The following EVA1C variants were observed in gnomAD, a reference collection of about 807,000 sequenced individuals.
EVA1C encodes the protein eva-1 homolog C, also known as protein eva-1 homolog C.
In EVA1C, 25 loss-of-function variants were observed where a neutral mutation model predicts 45.4. The ratio of observed to expected loss-of-function variants is 0.55; its 90% CI spans 0.40 to 0.77. EVA1C has a LOEUF of 0.77. Among genes scored for constraint, EVA1C ranks in the 30% least tolerant of loss-of-function variants. The pLI is 0.00. For synonymous variants in EVA1C, 190 were observed against 221.2 expected, an observed-to-expected ratio of 0.86 and a Z score of 1.25; for missense variants, 479 against 554.8, an observed-to-expected ratio of 0.86 and a Z score of 1.37.
At chr21:32,465,220 T>G (rs1333626813) in intron 3 of EVA1C, among the ~76,000 whole-genome samples, 1 of 152,214 alleles carries the variant, frequency 6.6e-6, no homozygotes, top group African/African-American at 2.4e-5. Flanking sequence ...AATCACAATT[T>G]GGAAAACTCT....
intron 3 of EVA1C, among the ~76,000 whole-genome samples, chr21:32,462,965 C>A (rs901182896): frequency 7.9e-5 from 12 of 152,308 alleles, no homozygotes; most frequent in Admixed American, 6.5e-4. Flanking sequence ...CCCCTGATTT[C>A]CCACTCCACA....
chr21:32,427,491 G>A (rs533254736), intron 1 of EVA1C, among the ~76,000 whole-genome samples: 6 of 152,132 alleles, frequency 3.9e-5, no homozygotes, highest in Admixed American at 2.6e-4. Flanking sequence ...GAGGCGGAAA[G>A]ATCACGAGGT....
intron 6 of EVA1C, among the ~76,000 whole-genome samples, chr21:32,502,695 G>A (rs1224208458): frequency 6.6e-6 from 1 of 152,120 alleles, no homozygotes; most frequent in Non-Finnish European, 1.5e-5. Flanking sequence ...GAAAACTATT[G>A]GTAATGTTCT....
intron 4 of EVA1C, among the ~76,000 whole-genome samples, chr21:32,487,829 G>C: frequency 6.6e-6 from 1 of 152,036 alleles, no homozygotes; most frequent in East Asian, 1.9e-4. Flanking sequence ...CTCCTGAGTT[G>C]TGTCCTTTTA....
chr21:32,440,087 C>T (rs755730962), intron 1 of EVA1C, among the ~76,000 whole-genome samples: 4 of 152,014 alleles, frequency 2.6e-5, no homozygotes, highest in Non-Finnish European at 5.9e-5. Context: ...TTGTCGAGCT[C>T]TGTTGGTCCT....
At chr21:32,471,193 CT>C (rs949392827) in intron 4 of EVA1C, among the ~76,000 whole-genome samples, 2 of 151,540 alleles carry the variant, frequency 1.3e-5, no homozygotes, top group African/African-American at 2.4e-5. Context: ...AGGGGCTTCA[CT>C]TTTTTTTTCT....
intron 6 of EVA1C, among the ~76,000 whole-genome samples, chr21:32,502,566 G>A (rs1433168526): frequency 2.0e-5 from 3 of 152,116 alleles, no homozygotes; most frequent in Non-Finnish European, 2.9e-5. Flanking sequence ...AGGCTGTGGT[G>A]AGAGTTTTGT....
rs1054853573 is a variant in EVA1C, at chr21:32,484,541, C to A, written c.635-10486C>A. On this transcript the variant is annotated intron_variant, in intron 4 of 7. Coordinates refer to ENST00000300255, the MANE Select transcript of EVA1C (RefSeq NM_058187.5). Reference sequence around the variant, plus strand: ...CCTGGGCGACAAAGAGAGACTCCATCTCAAAAAAAAAAAAAAAATTTATTG... The same window carrying A: ...CCTGGGCGACAAAGAGAGACTCCATATCAAAAAAAAAAAAAAAATTTATTG... 9.6e-5 allele frequency among the ~76,000 whole-genome samples: 14 copies of A among 145,706 alleles called. No individual in the cohort carries two copies. The East Asian group carries it at 3.0e-3, about 31-fold the overall frequency.
chr21:32,455,184 T>A (rs758768278), intron 2 of EVA1C, among the ~76,000 whole-genome samples: 1 of 151,972 alleles, frequency 6.6e-6, no homozygotes. Flanking sequence ...CACTACATCC[T>A]CTAGGGGGTT....
chr21:32,453,637 T>C (rs936594037), intron 2 of EVA1C, 129 bp downstream of exon 2: 18 of 673,808 alleles, frequency 2.7e-5, no homozygotes, highest in South Asian at 1.0e-4. Context: ...AAAATCCCAA[T>C]TTATACAGAT....
At chr21:32,480,211 G>A (rs1188361031) in intron 4 of EVA1C, among the ~76,000 whole-genome samples, 2 of 149,948 alleles carry the variant, frequency 1.3e-5, no homozygotes, top group Non-Finnish European at 3.0e-5. Flanking sequence ...TAAGGTGGGA[G>A]GATCACTTGA....
intron 6 of EVA1C, among the ~76,000 whole-genome samples, chr21:32,503,452 A>T (rs928958358): frequency 2.0e-5 from 3 of 152,160 alleles, no homozygotes; most frequent in Admixed American, 2.0e-4. Flanking sequence ...AGGCTGAGGC[A>T]GGAGAATTGC....
intron 4 of EVA1C, among the ~76,000 whole-genome samples, chr21:32,476,993 C>T (rs1024935909): frequency 2.0e-5 from 3 of 152,176 alleles, no homozygotes; most frequent in Admixed American, 2.0e-4. Context: ...ACACACCCCA[C>T]TCTGCTATTG....
rs746253463 is a variant in EVA1C at position 32,447,850 on chromosome 21, C to T, written c.161-5462C>T. ...CCTCCCGAGTAACTGGGATTACAAGCGCCTGCCACCACGTCCGGCTAATTT... is the reference window on the plus strand; with the variant it reads ...CCTCCCGAGTAACTGGGATTACAAGTGCCTGCCACCACGTCCGGCTAATTT... On this transcript the variant is annotated intron_variant, in intron 1 of 7. Coordinates refer to ENST00000300255, the MANE Select transcript of EVA1C (RefSeq NM_058187.5). Among the ~76,000 whole-genome samples the T allele has an allele frequency of 4.6e-5, 7 of 152,200 alleles. No homozygotes were observed. The South Asian group carries it at 6.2e-4, about 14-fold the overall frequency.
At chr21:32,483,971 T>C (rs943805381) in intron 4 of EVA1C, among the ~76,000 whole-genome samples, 2 of 54,586 alleles carry the variant, frequency 3.7e-5, no homozygotes, top group African/African-American at 1.8e-4. Context: ...TATGTGTGTG[T>C]GTGTGTGTGT....
upstream of EVA1C, chr21:32,412,660 C>A (rs1195432368): frequency 1.1e-5 from 5 of 442,002 alleles, no homozygotes; most frequent in Admixed American, 1.8e-4. Flanking sequence ...CCCCAGTTCT[C>A]CGCCCCCTCC....
In EVA1C at chr21:32,475,879, T is replaced by TTATCTATCTGTC. The variant is rs2036537983; in HGVS notation, c.634+8040_634+8041insGTCTATCTATCT. Among the ~76,000 whole-genome samples the TTATCTATCTGTC allele has an allele frequency of 5.0e-5, 5 of 100,536 alleles. 1 individual carries two copies. The South Asian group carries it at 1.5e-3, about 30-fold the overall frequency. 66.0% of individuals were successfully genotyped at this position (100,536 alleles called of 152,430 possible). A position where few individuals can be genotyped will look rare whatever the true frequency, so the allele number is the denominator to read the frequency against. On this transcript the variant is annotated intron_variant, in intron 4 of 7. Coordinates refer to ENST00000300255, the MANE Select transcript of EVA1C (RefSeq NM_058187.5). ...CTTCACAGAGTTCTTTCTAAAAACT[T>TTATCTATCTGTC]TATCTATCTATCTATCTATCTATCT...
chr21:32,505,804 T>C (rs1167189508), intron 7 of EVA1C, among the ~76,000 whole-genome samples: 2 of 152,086 alleles, frequency 1.3e-5, no homozygotes, highest in African/African-American at 4.8e-5. Context: ...ACCAATTCTA[T>C]CAGATTAGGA....
chr21:32,479,355 G>A (rs1301492053), intron 4 of EVA1C, among the ~76,000 whole-genome samples: 1 of 152,130 alleles, frequency 6.6e-6, no homozygotes, highest in Admixed American at 6.5e-5. Flanking sequence ...CCTGGGAGGC[G>A]GAGATTGCAG....
Sources: allele counts gnomAD v4.1 joint callset (sites outside exome capture counted in the v4.1 genomes callset), GRCh38; gene constraint gnomAD v4.1.1; transcripts MANE v1.5; gene names NCBI Gene and HGNC (gene_info 2026-07-23, HGNC 2026-07-21).